Variants in PCDHGB4 observed in about 807,000 individuals in gnomAD.
PCDHGB4 encodes protocadherin gamma subfamily B, 4, also known as protocadherin gamma-B4.
PCDHGB4 carries 38 observed loss-of-function variants against 60.5 expected under a neutral mutation model. That is an observed-to-expected ratio of 0.63 (90% CI 0.48 to 0.82). The LOEUF (loss-of-function observed/expected upper bound fraction) is 0.82, where lower values mean the gene tolerates loss of function less well. PCDHGB4 is among the 40% of genes least tolerant of loss of function. The probability of loss-of-function intolerance (pLI) is 0.00; values close to 1 mark genes in which losing one functional copy is unlikely to be tolerated. For synonymous variants in PCDHGB4, 456 were observed against 509.7 expected (o/e 0.89, Z 1.42); for missense variants, 1,109 against 1,209.6 (o/e 0.92, Z 1.23).
chr5:141,388,889 C>A lies in PCDHGB4; in HGVS notation c.1005C>A (p.Val335=). 1.2e-6 allele frequency: 2 copies of A among 1,613,954 alleles called. No homozygotes were observed. The highest frequency in any genetic ancestry group is 1.7e-6 in the Non-Finnish European group (2 of 1,179,860). Residue 335 remains valine (V), a synonymous_variant, in exon 1 of 4, where the codon GTC becomes GTA. Transcript: ENST00000519479. The part of the protein sequence containing the change: ...MIAQCTVEVE[V]IDENDNAPEV... Reference sequence around the variant, plus strand: ...CGCAATGCACAGTGGAGGTAGAAGTCATAGATGAAAATGACAACGCCCCAG... The same window carrying A: ...CGCAATGCACAGTGGAGGTAGAAGTAATAGATGAAAATGACAACGCCCCAG...
chr5:141,404,800 C>G (rs369141362), intron 1 of PCDHGB4: 3 of 1,613,970 alleles, frequency 1.9e-6, no homozygotes, highest in Middle Eastern at 1.6e-4. Context: ...AGCCAGGGCT[C>G]TTCTCGGTGG....
intron 2 of PCDHGB4, among the ~76,000 whole-genome samples, chr5:141,499,689 CTTTTTT>C (rs545067566): frequency 3.3e-5 from 4 of 119,854 alleles, no homozygotes; most frequent in Admixed American, 8.7e-5. Flanking sequence ...TAACAGATGA[CTTTTTT>C]TTTTTTTTTT....
intron 1 of PCDHGB4, chr5:141,404,600 C>G (rs1406207982): frequency 6.2e-7 from 1 of 1,613,938 alleles, no homozygotes; most frequent in Non-Finnish European, 8.5e-7. Flanking sequence ...GTCATTGAGA[C>G]TGTTTGTTTT....
intron 1 of PCDHGB4, chr5:141,413,431 G>T (rs963192857): frequency 1.9e-6 from 3 of 1,614,092 alleles, no homozygotes; most frequent in Non-Finnish European, 2.5e-6. Context: ...CCCGCGCAGC[G>T]GCAGCTTGAT....
At position 141,485,681 on chromosome 5, in the gene PCDHGB4, T is replaced by A; in HGVS notation, c.2398-9126T>A. The A allele has an allele frequency of 6.2e-7, 1 of 1,614,074 alleles. No homozygotes were observed. The highest frequency in any genetic ancestry group is 8.5e-7 in the Non-Finnish European group (1 of 1,179,966). ...TGTGGGGAGCAATTCGATTAGCAGC[T>A]ATAGGCTGAGCTCCAATGAACACTT... On this transcript the variant is annotated intron_variant, in intron 1 of 3. Transcript: ENST00000519479. The surrounding 1 kb of genome is among the most constrained non-coding windows in gnomAD (Gnocchi z 5.7).
At chr5:141,418,458 TG>T in intron 1 of PCDHGB4, 1 of 1,614,010 alleles carries the variant, frequency 6.2e-7, no homozygotes, top group Non-Finnish European at 8.5e-7. Flanking sequence ...CAGAAGACTC[TG>T]GACCGAGAAA....
intron 1 of PCDHGB4, chr5:141,420,364 ACTT>A (rs746817317): frequency 1.3e-4 from 174 of 1,368,558 alleles, no homozygotes; most frequent in Non-Finnish European, 1.6e-4. Context: ...ATTCTAGATA[ACTT>A]CTTCATAGAG....
intron 1 of PCDHGB4, chr5:141,399,983 C>T (rs767278001): frequency 7.4e-6 from 12 of 1,612,374 alleles, no homozygotes; most frequent in Non-Finnish European, 1.0e-5. Context: ...GGGCTGCGCA[C>T]AGGAGAGGTG....
At chr5:141,413,092 T>C in intron 1 of PCDHGB4, 1 of 1,429,614 alleles carries the variant, frequency 7.0e-7, no homozygotes, top group Non-Finnish European at 9.4e-7. Context: ...AGAGACACCC[T>C]GAAGCCACAG....
At chr5:141,451,193 A>T (rs2098710240) in intron 1 of PCDHGB4, among the ~76,000 whole-genome samples, 1 of 152,208 alleles carries the variant, frequency 6.6e-6, no homozygotes, top group Non-Finnish European at 1.5e-5. Context: ...TGTGTAACAA[A>T]TTATCCCAAA....
At chr5:141,427,259 G>A (rs1365845158) in intron 1 of PCDHGB4, 1 of 456,756 alleles carries the variant, frequency 2.2e-6, no homozygotes, top group Non-Finnish European at 4.4e-6. Flanking sequence ...GTGGAGGCAT[G>A]ACCAGCGAAT....
intron 1 of PCDHGB4, chr5:141,478,899 T>A (rs905349011): frequency 9.7e-7 from 1 of 1,027,124 alleles, no homozygotes; most frequent in African/African-American, 1.6e-5. Context: ...ACATTAGGAA[T>A]AAGCTGCTGG....
intron 2 of PCDHGB4, among the ~76,000 whole-genome samples, chr5:141,500,112 C>G (rs2099796438): frequency 6.8e-6 from 1 of 147,138 alleles, no homozygotes; most frequent in Non-Finnish European, 1.5e-5. Context: ...TGTTGAATCC[C>G]TGCCTTTTCA....
chr5:141,398,088 C>T lies in PCDHGB4; in HGVS notation c.2397+7807C>T, dbSNP rs781722295. On this transcript the variant is annotated intron_variant, in intron 1 of 3. Coordinates refer to ENST00000519479, the MANE Select transcript of PCDHGB4 (RefSeq NM_003736.4). ...AATACAGAGGTTATTTGTAACCTGGCGTCTCCAGGCTGGTGAGCAAGCTGA... is the reference window on the plus strand; with the variant it reads ...AATACAGAGGTTATTTGTAACCTGGTGTCTCCAGGCTGGTGAGCAAGCTGA... The T allele has an allele frequency of 1.1e-5, 18 of 1,598,420 alleles. 1 individual carries two copies. In the South Asian group the frequency reaches 1.9e-4, roughly 17 times the overall value.
chr5:141,477,582 A>G lies in PCDHGB4; in HGVS notation c.2398-17225A>G. On this transcript the variant is annotated intron_variant, in intron 1 of 3. Transcript: ENST00000519479. This position sits in a 1 kb window ranked among gnomAD's most constrained non-coding sequence, Gnocchi z 4.9. Reference sequence around the variant, plus strand: ...GTCTGGGACCCCGACGCCCCGCAGAATGCTCGGCTTTCTTTCTTTCTCTTG... The same window carrying G: ...GTCTGGGACCCCGACGCCCCGCAGAGTGCTCGGCTTTCTTTCTTTCTCTTG... The G allele has an allele frequency of 6.2e-7, 1 of 1,614,190 alleles. No homozygotes were observed.
At position 141,413,426 on chromosome 5, in the gene PCDHGB4, G is replaced by T. The variant is rs138985917; in HGVS notation, c.2397+23145G>T. On this transcript the variant is annotated intron_variant, in intron 1 of 3. Transcript: ENST00000519479. Reference sequence around the variant, plus strand: ...ACGCAGCTTTTCTCTCTGAACCCGCGCAGCGGCAGCTTGATCACCGCGGGC... The same window carrying T: ...ACGCAGCTTTTCTCTCTGAACCCGCTCAGCGGCAGCTTGATCACCGCGGGC... 776 of 1,614,090 alleles carry T rather than the reference G, an allele frequency of 4.8e-4. 5 individuals carry two copies. The African/African-American group carries it at 9.2e-3, about 19-fold the overall frequency.
At chr5:141,395,379 C>A in intron 1 of PCDHGB4, 1 of 1,139,610 alleles carries the variant, frequency 8.8e-7, no homozygotes, top group Non-Finnish European at 1.2e-6. Flanking sequence ...GGTGGTGTTA[C>A]TATAAAATTG....
chr5:141,488,292 G>A (rs961688781), intron 1 of PCDHGB4, among the ~76,000 whole-genome samples: 1 of 152,216 alleles, frequency 6.6e-6, no homozygotes, highest in African/African-American at 2.4e-5. Flanking sequence ...AAAACAGTAA[G>A]TGAAATCACT....
At chr5:141,422,758 A>C (rs1237677806) in intron 1 of PCDHGB4, 3 of 1,613,032 alleles carry the variant, frequency 1.9e-6, no homozygotes, top group Non-Finnish European at 2.5e-6. Flanking sequence ...TATTAACTCC[A>C]ACACTGGTGT....
Sources: gnomAD v4.1 joint callset for allele counts (sites outside exome capture counted in the v4.1 genomes callset) on GRCh38, gnomAD v4.1.1 for gene constraint, Gnocchi (gnomAD v3.1) non-coding constraint, MANE v1.5 for transcripts, NCBI Gene and HGNC (gene_info 2026-07-23, HGNC 2026-07-21) for gene names.